Variants in PCDHGA1 observed in about 807,000 individuals in gnomAD.
The protein encoded by PCDHGA1 is protocadherin gamma-A1.
PCDHGA1 carries 32 observed loss-of-function variants against 58.0 expected under a neutral mutation model. The ratio of observed to expected loss-of-function variants is 0.55; its 90% CI spans 0.42 to 0.74. The LOEUF is 0.74. Among genes scored for constraint, PCDHGA1 ranks in the 30% least tolerant of loss-of-function variants. The pLI is 0.00. For missense variants in PCDHGA1, 1,205 were observed against 1,182.3 expected, an observed-to-expected ratio of 1.02 and a Z score of -0.28; for synonymous variants, 498 against 501.1, an observed-to-expected ratio of 0.99 and a Z score of 0.08.
At chr5:141,495,613 G>A (rs1230710705) in intron 2 of PCDHGA1, among the ~76,000 whole-genome samples, 2 of 152,068 alleles carry the variant, frequency 1.3e-5, no homozygotes, top group Non-Finnish European at 2.9e-5. Flanking sequence ...CTTGATTGCT[G>A]CACCTCAGCC....
At chr5:141,383,347 G>T in intron 1 of PCDHGA1, 1 of 1,614,012 alleles carries the variant, frequency 6.2e-7, no homozygotes, top group South Asian at 1.1e-5. Flanking sequence ...AGCTCCTGGG[G>T]TTCGGTTTCC....
intron 1 of PCDHGA1, chr5:141,360,995 A>G: frequency 6.2e-7 from 1 of 1,613,650 alleles, no homozygotes; most frequent in Non-Finnish European, 8.5e-7. Context: ...GTGGACGAAC[A>G]AGTGAAACAC....
intron 1 of PCDHGA1, chr5:141,355,155 G>A (rs766569835): frequency 1.3e-6 from 2 of 1,552,396 alleles, no homozygotes; most frequent in Non-Finnish European, 1.7e-6. Flanking sequence ...CTCAGGCCTC[G>A]ACAGAGGGAA....
chr5:141,484,959 C>A, intron 1 of PCDHGA1: 2 of 575,576 alleles, frequency 3.5e-6, no homozygotes, highest in Non-Finnish European at 6.2e-6. Flanking sequence ...ATTGGCTGAG[C>A]CCGGGAGCCG....
intron 1 of PCDHGA1, chr5:141,395,576 G>A: frequency 4.2e-6 from 1 of 237,360 alleles, no homozygotes; most frequent in Non-Finnish European, 8.1e-6. Flanking sequence ...GTGTGTGTGT[G>A]TGTGTGTGTG....
intron 1 of PCDHGA1, chr5:141,357,622 G>C: frequency 3.1e-6 from 5 of 1,613,672 alleles, no homozygotes; most frequent in Non-Finnish European, 4.2e-6. Flanking sequence ...TAATCTTCAG[G>C]TGAGTCAATC....
At chr5:141,347,103 C>G (rs1279523001) in intron 1 of PCDHGA1, among the ~76,000 whole-genome samples, 1 of 146,280 alleles carries the variant, frequency 6.8e-6, no homozygotes, top group African/African-American at 2.5e-5. Context: ...TCCTTCCTCT[C>G]TCTCTTTCCT....
At chr5:141,341,282 C>T (rs913364016) in intron 1 of PCDHGA1, 12 of 1,614,106 alleles carry the variant, frequency 7.4e-6, no homozygotes, top group Non-Finnish European at 9.3e-6. Flanking sequence ...CCTGATTTTC[C>T]CCCAGCCCAA....
At chr5:141,449,588 CAAAA>C (rs768743917) in intron 1 of PCDHGA1, among the ~76,000 whole-genome samples, 2 of 57,488 alleles carry the variant, frequency 3.5e-5, no homozygotes, top group Non-Finnish European at 3.7e-5. Flanking sequence ...GACTCTGTCT[CAAAA>C]AAAAAAAAAA....
rs897116364 is a variant in PCDHGA1 at position 141,366,050 on chromosome 5, G to C, written c.2421+32945G>C. On this transcript the variant is annotated intron_variant, in intron 1 of 3. Coordinates refer to ENST00000517417, the MANE Select transcript of PCDHGA1 (RefSeq NM_018912.3). ...CGCCCTCCCCACAGACGGTTCCACGGGCGTGGAGCTGGCGCCTCGCTCCGC... is the reference window on the plus strand; with the variant it reads ...CGCCCTCCCCACAGACGGTTCCACGCGCGTGGAGCTGGCGCCTCGCTCCGC... The C allele has an allele frequency of 1.1e-5, 17 of 1,614,126 alleles. No homozygotes were observed. The highest frequency in any genetic ancestry group is 2.2e-5 in the South Asian group (2 of 91,088).
chr5:141,421,766 C>T, intron 1 of PCDHGA1: 2 of 1,613,868 alleles, frequency 1.2e-6, no homozygotes, highest in South Asian at 1.1e-5. Context: ...AATTACTTTT[C>T]CTTGCAACTG....
chr5:141,371,274 C>T, intron 1 of PCDHGA1: 3 of 1,613,982 alleles, frequency 1.9e-6, no homozygotes, highest in Non-Finnish European at 2.5e-6. Context: ...ACTGTTCAAG[C>T]TGGACAGTAA....
intron 2 of PCDHGA1, among the ~76,000 whole-genome samples, chr5:141,502,654 C>G (rs1424933188): frequency 6.6e-6 from 1 of 152,112 alleles, no homozygotes; most frequent in African/African-American, 2.4e-5. Context: ...TAGGCAGCAA[C>G]CCTTCATGCA....
At chr5:141,395,078 G>T (rs756312673) in intron 1 of PCDHGA1, 3 of 1,614,126 alleles carry the variant, frequency 1.9e-6, no homozygotes, top group South Asian at 1.1e-5. Context: ...CCTATTCCCA[G>T]GAAGTCTCCC....
intron 1 of PCDHGA1, among the ~76,000 whole-genome samples, chr5:141,359,797 G>A (rs1404326992): frequency 6.6e-6 from 1 of 152,066 alleles, no homozygotes; most frequent in African/African-American, 2.4e-5. Context: ...TGCATCTTTT[G>A]AATTTGGAAC....
intron 1 of PCDHGA1, chr5:141,371,159 G>A: frequency 6.2e-7 from 1 of 1,614,024 alleles, no homozygotes; most frequent in Non-Finnish European, 8.5e-7. Flanking sequence ...CAGAGAACCT[G>A]CCCGCTGGCT....
chr5:141,408,839 A>T (rs1296339131), intron 1 of PCDHGA1: 24 of 1,613,642 alleles, frequency 1.5e-5, no homozygotes, highest in Non-Finnish European at 2.0e-5. Context: ...CTTGATATTG[A>T]CTGCCTTGGA....
Position 141,351,634 on chromosome 5 carries a change from T to C in PCDHGA1, c.2421+18529T>C, listed in dbSNP as rs763844843. 3 of 1,614,058 alleles carry C rather than the reference T, an allele frequency of 1.9e-6. No homozygotes were observed. In the East Asian group the frequency reaches 6.7e-5, roughly 36 times the overall value. ...AGGCCTCCTATGTGGTCCACGTGTC[T>C]GAGAACAACCCACCTGGCGCCTCCA... is the stretch of plus-strand genomic sequence containing the variant. On this transcript the variant is annotated intron_variant, in intron 1 of 3. Coordinates refer to ENST00000517417, the MANE Select transcript of PCDHGA1 (RefSeq NM_018912.3).
rs772255956 is a variant in PCDHGA1 at position 141,361,360 on chromosome 5, G to A, written c.2421+28255G>A. Reference sequence around the variant, plus strand: ...CTATTACAAACTAGTGACAGACGGCGCTCTGGACCGGGAGGAGATCCCAGA... The same window carrying A: ...CTATTACAAACTAGTGACAGACGGCACTCTGGACCGGGAGGAGATCCCAGA... On this transcript the variant is annotated intron_variant, in intron 1 of 3. Transcript: ENST00000517417. 3.1e-6 allele frequency: 5 copies of A among 1,613,944 alleles called. No homozygotes were observed. In the East Asian group the frequency reaches 1.1e-4, roughly 36 times the overall value.
Sources: gnomAD v4.1 joint callset for allele counts (sites outside exome capture counted in the v4.1 genomes callset) on GRCh38, gnomAD v4.1.1 for gene constraint, MANE v1.5 for transcripts, NCBI Gene and HGNC (gene_info 2026-07-23, HGNC 2026-07-21) for gene names.